Variants in CALCOCO1 observed in about 807,000 individuals in gnomAD.
CALCOCO1 encodes calcium binding and coiled-coil domain 1.
A neutral mutation model predicts 86.3 loss-of-function variants in CALCOCO1; 44 were observed. The ratio of observed to expected loss-of-function variants is 0.51; its 90% CI spans 0.40 to 0.66. The LOEUF (loss-of-function observed/expected upper bound fraction) is 0.66. Ranked by LOEUF, CALCOCO1 falls within the 30% of genes least tolerant of loss-of-function variation. The pLI, the probability that CALCOCO1 is intolerant of heterozygous loss-of-function variation, is 0.00. For synonymous variants in CALCOCO1, 297 were observed against 327.6 expected, an observed-to-expected ratio of 0.91 and a Z score of 1.01; for missense variants, 708 against 851.1, an observed-to-expected ratio of 0.83 and a Z score of 2.09.
chr12:53,723,616 C>G lies in CALCOCO1; in HGVS notation c.427G>C (p.Val143Leu), dbSNP rs770109000. The change falls in exon 4 of 15, where the codon GTC becomes CTC. Residue 143 changes from valine to leucine, a missense_variant. Physicochemically the swap from Val to Leu is conservative, Grantham distance 32. Transcript: ENST00000550804. ...ACCTGTAACACAGTTGCCTTGGGGA[C>G]AACCAGCAGGATGTCAGAGCCCCCA... is the stretch of plus-strand genomic sequence containing the variant. ...ADGGSDILLV[V>L]PKATVLQNQL... 1 of 1,614,100 alleles carries G rather than the reference C, an allele frequency of 6.2e-7. No homozygotes were observed. The highest frequency in any genetic ancestry group is 2.2e-5 in the East Asian group (1 of 44,904).
chr12:53,716,471 G>C, intron 7 of CALCOCO1, 56 bp from the exon 8 acceptor site: 2 of 1,587,094 alleles, frequency 1.3e-6, no homozygotes, highest in South Asian at 2.2e-5. Context: ...GGTGGCTCGG[G>C]AGGTGAACCA....
At chr12:53,712,740 C>T in intron 14 of CALCOCO1, 1 of 1,195,216 alleles carries the variant, frequency 8.4e-7, no homozygotes, top group Non-Finnish European at 1.1e-6. Flanking sequence ...GCCATGGTCA[C>T]CTCCCTTCCT....
At chr12:53,726,434 A>G (rs894407065) in intron 1 of CALCOCO1, 1 of 152,114 alleles carries the variant, frequency 6.6e-6, no homozygotes, top group Non-Finnish European at 1.5e-5. Flanking sequence ...AATAATAACG[A>G]TCAAAAGAAC....
chr12:53,721,738 C>T (rs1294069153), intron 5 of CALCOCO1, 123 bp from the exon 6 acceptor site: 1 of 1,227,098 alleles, frequency 8.1e-7, no homozygotes, highest in African/African-American at 1.5e-5. Context: ...ACATTGCCTT[C>T]CTTGAAAAAG....
intron 7 of CALCOCO1, 56 bp downstream of exon 7, chr12:53,719,683 G>T: frequency 8.1e-7 from 1 of 1,240,266 alleles, no homozygotes; most frequent in South Asian, 1.2e-5. Context: ...GCTCTCGAGA[G>T]GGAATCAAAC....
intron 7 of CALCOCO1, among the ~76,000 whole-genome samples, chr12:53,717,294 T>C (rs1224776278): frequency 6.6e-6 from 1 of 152,228 alleles, no homozygotes; most frequent in Non-Finnish European, 1.5e-5. Flanking sequence ...CTTGAACTCC[T>C]GAGCTCGAGG....
rs1271526965 is a variant in CALCOCO1 at position 53,716,155 on chromosome 12, GT to G, written c.1005+104del. 3 of 1,580,968 alleles carry G rather than the reference GT, an allele frequency of 1.9e-6. No homozygotes were observed. In the African/African-American group the frequency reaches 4.1e-5, roughly 21 times the overall value. On this transcript the variant is annotated intron_variant, in intron 8 of 14. Coordinates refer to ENST00000550804, the MANE Select transcript of CALCOCO1 (RefSeq NM_020898.3). ...CTGCATTAGGACTCGGGGTTGTGTT[GT>G]TTAGTCTTTAGCCATGTCTCTCCCC... is the stretch of plus-strand genomic sequence containing the variant.
chr12:53,713,404 T>C lies in CALCOCO1; in HGVS notation c.1792-198A>G, dbSNP rs565242373. Among the ~76,000 whole-genome samples the C allele has an allele frequency of 2.6e-5, 4 of 152,216 alleles. No homozygotes were observed. The South Asian group carries it at 8.3e-4, about 32-fold the overall frequency. ...CTGTGGGGGAGAAGCAGTGAGGCTA[T>C]TGGGCTGGTCTGGGTTTTGGGATGA... is the stretch of plus-strand genomic sequence containing the variant. On this transcript the variant is annotated intron_variant, in intron 13 of 14. Coordinates refer to ENST00000550804, the MANE Select transcript of CALCOCO1 (RefSeq NM_020898.3).
rs779428481 is a variant in CALCOCO1 at position 53,709,159 on chromosome 12, C to T, written c.*2785G>A. 1.4e-4 allele frequency: 21 copies of T among 152,190 alleles called. No individual in the cohort carries two copies. The highest frequency in any genetic ancestry group is 1.9e-4 in the Non-Finnish European group (13 of 68,028). 9.4% of individuals were successfully genotyped at this position (152,190 alleles called of 1,614,324 possible). A position where few individuals can be genotyped will look rare whatever the true frequency, so the allele number is the denominator to read the frequency against. On this transcript the variant is annotated 3_prime_UTR_variant, in exon 15 of 15. Coordinates refer to ENST00000550804, the MANE Select transcript of CALCOCO1 (RefSeq NM_020898.3). ...GAGTCTCAAGCCCATTCAGATCTATCGGCTTTTGCATGGATGCTGGGGAGC... is the reference window on the plus strand; with the variant it reads ...GAGTCTCAAGCCCATTCAGATCTATTGGCTTTTGCATGGATGCTGGGGAGC...
chr12:53,709,975 G>A lies in CALCOCO1; in HGVS notation c.*1969C>T, dbSNP rs1403089831. On this transcript the variant is annotated 3_prime_UTR_variant, in exon 15 of 15. Coordinates refer to ENST00000550804, the MANE Select transcript of CALCOCO1 (RefSeq NM_020898.3). Reference sequence around the variant, plus strand: ...CTCTCTGATTAACCCCCACTACCCCGGCAAGTTTATAGGCCAAGAGAGGGA... The same window carrying A: ...CTCTCTGATTAACCCCCACTACCCCAGCAAGTTTATAGGCCAAGAGAGGGA... The A allele has an allele frequency of 6.6e-6, 1 of 151,714 alleles. No homozygotes were observed. 9.4% of individuals were successfully genotyped at this position (151,714 alleles called of 1,614,324 possible).
chr12:53,721,348 T>G, intron 6 of CALCOCO1, 119 bp downstream of exon 6: 1 of 879,748 alleles, frequency 1.1e-6, no homozygotes, highest in Non-Finnish European at 1.7e-6. Context: ...TGAGTGAGGG[T>G]GAGAGGGAAA....
rs1946069784 is a variant in CALCOCO1, at chr12:53,727,408, C to T, written c.-29G>A. 6.6e-6 allele frequency: 1 copy of T among 152,284 alleles called. No homozygotes were observed. The highest frequency in any genetic ancestry group is 2.4e-5 in the African/African-American group (1 of 41,470). 9.4% of individuals were successfully genotyped at this position (152,284 alleles called of 1,614,324 possible). A position where few individuals can be genotyped will look rare whatever the true frequency, so the allele number is the denominator to read the frequency against. On this transcript the variant is annotated 5_prime_UTR_variant, in exon 1 of 15. Transcript: ENST00000550804. Reference sequence around the variant, plus strand: ...CAATTAGGCCAAGTTTCTTACCCAACAGACGGATCAGCTGTTCCCCTCACC... The same window carrying T: ...CAATTAGGCCAAGTTTCTTACCCAATAGACGGATCAGCTGTTCCCCTCACC...
Position 53,713,186 on chromosome 12 carries a change from TGAC to T in CALCOCO1, c.1809_1811del (p.Ser604del), listed in dbSNP as rs1468283730. 2 of 1,613,958 alleles carry T rather than the reference TGAC, an allele frequency of 1.2e-6. No homozygotes were observed. The highest frequency in any genetic ancestry group is 1.7e-6 in the Non-Finnish European group (2 of 1,179,988). On this transcript the variant is annotated inframe_deletion, in exon 14 of 15. Transcript: ENST00000550804. ...CACTCTGCACAGCTGCCATCAGGAC[TGAC>T]TTCTCATCTTCAGCCTCCTGGATGC...
Position 53,711,930 on chromosome 12 carries a change from A to T in CALCOCO1, c.*14T>A, listed in dbSNP as rs764545881. The T allele has an allele frequency of 6.5e-7, 1 of 1,544,742 alleles. No individual in the cohort carries two copies. Among genetic ancestry groups the T allele is most frequent in the Non-Finnish European group, 8.7e-7 (1 of 1,146,414 alleles). On this transcript the variant is annotated 3_prime_UTR_variant, in exon 15 of 15. Transcript: ENST00000550804. Reference sequence around the variant, plus strand: ...TGCATGAGTGTGTATTTGTGCATGTACGAGGGAGTAAGATCACTCAAAGGT... The same window carrying T: ...TGCATGAGTGTGTATTTGTGCATGTTCGAGGGAGTAAGATCACTCAAAGGT...
At chr12:53,724,820 G>C in intron 2 of CALCOCO1, 73 bp from the exon 3 acceptor site, 3 of 1,217,290 alleles carry the variant, frequency 2.5e-6, no homozygotes, top group Non-Finnish European at 3.5e-6. Flanking sequence ...AGGGCTGAGG[G>C]GTTGAATAAG....
rs752123868 is a variant in CALCOCO1 at position 53,713,215 on chromosome 12, CAA to C, written c.1792-11_1792-10del. 15 of 1,611,916 alleles carry C rather than the reference CAA, an allele frequency of 9.3e-6. No individual in the cohort carries two copies. The African/African-American group carries it at 1.9e-4, about 20-fold the overall frequency. The stretch of plus-strand genomic sequence containing the variant: ...TTCTCATCTTCAGCCTCCTGGATGC[CAA>C]AGAGACAGGGTTGGGCTTTGGGGTG... On this transcript the variant is annotated splice_polypyrimidine_tract_variant and intron_variant, in intron 13 of 14. Coordinates refer to ENST00000550804, the MANE Select transcript of CALCOCO1 (RefSeq NM_020898.3).
At chr12:53,714,311 C>T in intron 11 of CALCOCO1, 70 bp from the exon 12 acceptor site, 1 of 1,202,504 alleles carries the variant, frequency 8.3e-7, no homozygotes, top group Non-Finnish European at 1.2e-6. Context: ...CCTGCAGAAG[C>T]TGCACCCAAG....
intron 7 of CALCOCO1, 70 bp from the exon 8 acceptor site, chr12:53,716,485 T>A: frequency 6.6e-7 from 1 of 1,523,340 alleles, no homozygotes; most frequent in Non-Finnish European, 9.0e-7. Context: ...TGAACCATTG[T>A]GATGAGAGAG....
chr12:53,717,108 T>C (rs550768648), intron 7 of CALCOCO1, among the ~76,000 whole-genome samples: 155 of 152,322 alleles, frequency 1.0e-3, no homozygotes, highest in Non-Finnish European at 1.8e-3. Flanking sequence ...TCGCCAAGAC[T>C]GGAGTGAAGT....
Sources: allele counts gnomAD v4.1 joint callset (sites outside exome capture counted in the v4.1 genomes callset), GRCh38; gene constraint gnomAD v4.1.1; transcripts MANE v1.5; gene names NCBI Gene and HGNC (gene_info 2026-07-23, HGNC 2026-07-21).